SORCS2: variants seen among roughly 807,000 people sequenced by gnomAD.
SORCS2 encodes VPS10 domain-containing receptor SorCS2.
In SORCS2, 100 loss-of-function variants were observed where a neutral mutation model predicts 141.6. The observed-to-expected ratio is 0.71, with a 90% CI of 0.60 to 0.83. SORCS2 has a LOEUF of 0.83. SORCS2 is among the 40% of genes least tolerant of loss of function. The pLI is 0.00. For missense variants in SORCS2, 1,646 were observed against 1,560.2 expected (o/e 1.05, Z -0.93); for synonymous variants, 789 against 676.9 (o/e 1.17, Z -2.57).
chr4:7,740,347 G>A lies in SORCS2; in HGVS notation c.*83G>A, dbSNP rs1024056671. On this transcript the variant is annotated 3_prime_UTR_variant, in exon 27 of 27. Coordinates refer to ENST00000507866, the MANE Select transcript of SORCS2 (RefSeq NM_020777.3). ...GGCGGCTGGACTGGCGCCCCTCAGA[G>A]ACCTGCGGAAAGCCCCCTCCCTGAG... The A allele has an allele frequency of 5.4e-6, 7 of 1,301,582 alleles. No individual in the cohort carries two copies. In the African/African-American group the frequency reaches 8.8e-5, roughly 16 times the overall value. 80.6% of individuals were successfully genotyped at this position (1,301,582 alleles called of 1,614,324 possible).
intron 1 of SORCS2, among the ~76,000 whole-genome samples, chr4:7,311,691 T>C (rs1456766074): frequency 1.3e-5 from 2 of 152,226 alleles, no homozygotes; most frequent in African/African-American, 4.8e-5. Context: ...TCCATGTATA[T>C]TCTTTGGTGA....
At chr4:7,440,681 C>T (rs1039896610) in intron 2 of SORCS2, among the ~76,000 whole-genome samples, 15 of 152,198 alleles carry the variant, frequency 9.9e-5, no homozygotes, top group African/African-American at 3.6e-4. Context: ...CAACTGCTGC[C>T]ACTTGCTCCC....
At chr4:7,621,612 T>C (rs115361984) in intron 3 of SORCS2, among the ~76,000 whole-genome samples, 1,846 of 152,266 alleles carry the variant, frequency 0.012, 35 homozygotes, top group African/African-American at 0.042. Flanking sequence ...TGTGTGTATT[T>C]TGGGGGTGGT....
At chr4:7,280,750 A>C in intron 1 of SORCS2, among the ~76,000 whole-genome samples, 1 of 152,166 alleles carries the variant, frequency 6.6e-6, no homozygotes, top group African/African-American at 2.4e-5. Flanking sequence ...CCCTTTTGTA[A>C]AATACAGAGA....
At chr4:7,194,071 C>T (rs551997156) in intron 1 of SORCS2, among the ~76,000 whole-genome samples, 1 of 152,158 alleles carries the variant, frequency 6.6e-6, no homozygotes, top group Non-Finnish European at 1.5e-5. Context: ...GGGGCAGCCC[C>T]TGGTGGGGCT....
At chr4:7,226,024 G>A (rs548176993) in intron 1 of SORCS2, among the ~76,000 whole-genome samples, 1 of 152,226 alleles carries the variant, frequency 6.6e-6, no homozygotes, top group South Asian at 2.1e-4. Flanking sequence ...AAGCACTTGG[G>A]GCTGTGTTTG....
At chr4:7,474,301 C>T (rs1183779879) in intron 2 of SORCS2, among the ~76,000 whole-genome samples, 1 of 152,206 alleles carries the variant, frequency 6.6e-6, no homozygotes, top group East Asian at 1.9e-4. Context: ...GGGCAGAGCC[C>T]CCTCTGCGGT....
At chr4:7,621,631 G>C (rs1719201069) in intron 3 of SORCS2, among the ~76,000 whole-genome samples, 1 of 152,096 alleles carries the variant, frequency 6.6e-6, no homozygotes, top group Admixed American at 6.6e-5. Context: ...GTGGTGATCA[G>C]ATGAAATCAG....
At chr4:7,443,918 G>A (rs1333857734) in intron 2 of SORCS2, among the ~76,000 whole-genome samples, 4 of 152,212 alleles carry the variant, frequency 2.6e-5, no homozygotes, top group Admixed American at 6.5e-5. Context: ...CCTGGCTGCC[G>A]CTGCTGGCCG....
Position 7,574,215 on chromosome 4 carries a change from G to A in SORCS2, c.648+42586G>A, listed in dbSNP as rs375628902. Among the ~76,000 whole-genome samples, 11 of 152,378 alleles carry A rather than the reference G, an allele frequency of 7.2e-5. No homozygotes were observed. The East Asian group carries it at 1.9e-3, about 27-fold the overall frequency. ...GTGCGCCTTTGCGGCCCCAGGACGG[G>A]ACTGTGTTCCCCACCCTCGGAGGTG... On this transcript the variant is annotated intron_variant, in intron 3 of 26. Transcript: ENST00000507866.
intron 3 of SORCS2, among the ~76,000 whole-genome samples, chr4:7,537,106 GC>G (rs922399060): frequency 2.6e-5 from 4 of 152,232 alleles, no homozygotes; most frequent in African/African-American, 9.6e-5. Context: ...GCACAGCCCG[GC>G]CCGCTTGGCT....
chr4:7,281,839 G>A (rs1715906514), intron 1 of SORCS2, among the ~76,000 whole-genome samples: 1 of 152,138 alleles, frequency 6.6e-6, no homozygotes, highest in African/African-American at 2.4e-5. Context: ...GTGGGTGGGG[G>A]CTGGGTTCCT....
intron 1 of SORCS2, among the ~76,000 whole-genome samples, chr4:7,333,017 C>A (rs564146553): frequency 6.6e-6 from 1 of 152,236 alleles, no homozygotes; most frequent in Non-Finnish European, 1.5e-5. Context: ...GCACCTGGCA[C>A]GGAACAGGCT....
chr4:7,657,541 ATG>A (rs1167542186), intron 5 of SORCS2, among the ~76,000 whole-genome samples: 1 of 151,832 alleles, frequency 6.6e-6, no homozygotes, highest in East Asian at 1.9e-4. Context: ...GAGTGAAAGA[ATG>A]AATGAGTGAA....
intron 2 of SORCS2, chr4:7,430,636 C>T (rs1175048386): frequency 6.6e-6 from 1 of 152,226 alleles, no homozygotes; most frequent in Non-Finnish European, 1.5e-5. Context: ...GGCAGAGATG[C>T]TCCTCTGTGC....
At chr4:7,451,675 A>G (rs1240765859) in intron 2 of SORCS2, among the ~76,000 whole-genome samples, 1 of 152,252 alleles carries the variant, frequency 6.6e-6, no homozygotes, top group Admixed American at 6.5e-5. Context: ...AACTGCCACC[A>G]TAGGGATTCT....
chr4:7,717,053 T>C (rs574073523), intron 17 of SORCS2, among the ~76,000 whole-genome samples: 55 of 152,344 alleles, frequency 3.6e-4, no homozygotes, highest in South Asian at 8.3e-4. Context: ...TTGGCAGCAA[T>C]GCCACTTTCA....
At chr4:7,368,548 C>T (rs1577454919) in intron 1 of SORCS2, among the ~76,000 whole-genome samples, 1 of 152,186 alleles carries the variant, frequency 6.6e-6, no homozygotes, top group Admixed American at 6.5e-5. Context: ...GCTGCAGGCC[C>T]AGCCACGCCT....
intron 2 of SORCS2, among the ~76,000 whole-genome samples, chr4:7,425,666 A>C (rs149594813): frequency 0.01 from 1,537 of 152,306 alleles, 14 homozygotes; most frequent in Admixed American, 0.016. Context: ...GGGAAATTCA[A>C]GGCCTGCAGA....
Sources: gnomAD v4.1 joint callset for allele counts (sites outside exome capture counted in the v4.1 genomes callset) on GRCh38, gnomAD v4.1.1 for gene constraint, MANE v1.5 for transcripts, NCBI Gene and HGNC (gene_info 2026-07-23, HGNC 2026-07-21) for gene names.